Variants in FRMD3 observed in about 807,000 individuals in gnomAD.
FRMD3 encodes the protein FERM domain containing 3, also known as FERM domain-containing protein 3.
Under a neutral mutation model 70.2 loss-of-function variants are expected in FRMD3, and 33 were observed. The ratio of observed to expected loss-of-function variants is 0.47; its 90% confidence interval spans 0.36 to 0.63. The LOEUF (loss-of-function observed/expected upper bound fraction) is 0.63. FRMD3 is among the 20% of genes least tolerant of loss of function. The probability of loss-of-function intolerance (pLI) is 0.00; values close to 1 mark genes in which losing one functional copy is unlikely to be tolerated. For synonymous variants in FRMD3, 279 were observed against 255.9 expected (o/e 1.09, Z -0.86); for missense variants, 632 against 711.4 (o/e 0.89, Z 1.27).
chr9:83,506,206 A>T (rs1175961138), intron 1 of FRMD3, among the ~76,000 whole-genome samples: 4 of 152,246 alleles, frequency 2.6e-5, no homozygotes, highest in South Asian at 2.1e-4. Context: ...ATTTTTTTTT[A>T]AAGTTAAAGC....
At chr9:83,318,458 A>T (rs564025885) in intron 6 of FRMD3, among the ~76,000 whole-genome samples, 5 of 151,748 alleles carry the variant, frequency 3.3e-5, no homozygotes, top group African/African-American at 1.2e-4. Context: ...ATAGTATTCC[A>T]TGCTATATAT....
At chr9:83,479,624 AAAGGAAGGAAGGAAGG>A (rs1175480479) in intron 1 of FRMD3, among the ~76,000 whole-genome samples, 4 of 61,468 alleles carry the variant, frequency 6.5e-5, no homozygotes, top group East Asian at 3.7e-4. Flanking sequence ...GACCCTGAAG[AAAGGAAGGAAGGAAGG>A]AAGGAAGGAA....
intron 13 of FRMD3, among the ~76,000 whole-genome samples, chr9:83,260,027 C>T (rs995532764): frequency 1.3e-5 from 2 of 152,242 alleles, no homozygotes; most frequent in South Asian, 2.1e-4. Flanking sequence ...CAACATTAGG[C>T]ATGCCACTTC....
intron 1 of FRMD3, among the ~76,000 whole-genome samples, chr9:83,464,046 TA>T (rs1482150657): frequency 6.6e-6 from 1 of 152,162 alleles, no homozygotes; most frequent in Non-Finnish European, 1.5e-5. Context: ...TACCCAACTC[TA>T]ACTGTACACA....
chr9:83,360,990 G>A (rs1279187735), intron 3 of FRMD3, among the ~76,000 whole-genome samples: 1 of 152,170 alleles, frequency 6.6e-6, no homozygotes, highest in African/African-American at 2.4e-5. Flanking sequence ...GAACTTGGTA[G>A]AATAACAGAT....
At chr9:83,425,632 G>A (rs556644971) in intron 1 of FRMD3, among the ~76,000 whole-genome samples, 8 of 152,110 alleles carry the variant, frequency 5.3e-5, no homozygotes, top group East Asian at 3.9e-4. Context: ...TGGGCCGGGC[G>A]CAGTGGCTCA....
At chr9:83,516,134 G>A (rs1829449914) in intron 1 of FRMD3, among the ~76,000 whole-genome samples, 1 of 152,098 alleles carries the variant, frequency 6.6e-6, no homozygotes, top group South Asian at 2.1e-4. Flanking sequence ...AACCTTAAAT[G>A]TAAACGAGCT....
chr9:83,530,407 T>C (rs1321489741), intron 1 of FRMD3, among the ~76,000 whole-genome samples: 1 of 152,232 alleles, frequency 6.6e-6, no homozygotes, highest in African/African-American at 2.4e-5. Context: ...TATTTTATGA[T>C]TCCATTTTTA....
chr9:83,467,881 T>G (rs1443369626), intron 1 of FRMD3: 64 of 1,098,408 alleles, frequency 5.8e-5, no homozygotes, highest in Non-Finnish European at 7.3e-5. Flanking sequence ...ATGAGATGCT[T>G]TTAATTGTTC....
intron 1 of FRMD3, among the ~76,000 whole-genome samples, chr9:83,465,510 A>G (rs1038749845): frequency 2.0e-5 from 3 of 152,112 alleles, no homozygotes; most frequent in East Asian, 3.8e-4. Context: ...TTCCACACAA[A>G]TCCTTCTCCA....
intron 1 of FRMD3, among the ~76,000 whole-genome samples, chr9:83,405,817 T>C (rs1826085808): frequency 6.6e-6 from 1 of 151,342 alleles, no homozygotes; most frequent in Non-Finnish European, 1.5e-5. Flanking sequence ...ATGCCTGCAG[T>C]GAGGGTGGGA....
intron 4 of FRMD3, among the ~76,000 whole-genome samples, chr9:83,345,620 G>T (rs1823930161): frequency 6.6e-6 from 1 of 152,018 alleles, no homozygotes; most frequent in Non-Finnish European, 1.5e-5. Context: ...AGTCGGGCGT[G>T]GTGGTGGGTG....
intron 1 of FRMD3, among the ~76,000 whole-genome samples, chr9:83,413,325 G>A (rs1564065450): frequency 1.3e-5 from 2 of 152,112 alleles, no homozygotes; most frequent in East Asian, 3.9e-4. Context: ...ATTTTTCCAA[G>A]TGCCTGAGCA....
the FRMD3 span, among the ~76,000 whole-genome samples, chr9:83,573,211 G>C: frequency 2.5e-4 from 38 of 151,950 alleles, no homozygotes; most frequent in African/African-American, 8.7e-4. Context: ...GGCTCCAAGA[G>C]CACCAAAAAA....
At chr9:83,476,381 CTCAA>C (rs139814001) in intron 1 of FRMD3, among the ~76,000 whole-genome samples, 31,197 of 109,046 alleles carry the variant, frequency 0.29, 3,418 homozygotes, top group East Asian at 0.38. Flanking sequence ...AAGACTCTCT[CTCAA>C]AAAAAAAAAA....
At chr9:83,508,172 T>G (rs1338736228) in intron 1 of FRMD3, among the ~76,000 whole-genome samples, 1 of 152,188 alleles carries the variant, frequency 6.6e-6, no homozygotes, top group East Asian at 1.9e-4. Flanking sequence ...AGGCATATAC[T>G]GCCCAATGCT....
At chr9:83,505,529 G>C (rs1161443633) in intron 1 of FRMD3, among the ~76,000 whole-genome samples, 1 of 152,158 alleles carries the variant, frequency 6.6e-6, no homozygotes, top group Non-Finnish European at 1.5e-5. Flanking sequence ...AGGAAGGGGA[G>C]AGCCACCAAG....
intron 3 of FRMD3, among the ~76,000 whole-genome samples, chr9:83,350,121 G>A (rs1247184994): frequency 6.6e-6 from 1 of 152,050 alleles, no homozygotes; most frequent in African/African-American, 2.4e-5. Flanking sequence ...TTGCACATAA[G>A]CACCATTCAA....
the FRMD3 span, among the ~76,000 whole-genome samples, chr9:83,552,942 T>C: frequency 6.6e-6 from 1 of 152,112 alleles, no homozygotes; most frequent in East Asian, 1.9e-4. Flanking sequence ...TTATTCAGCT[T>C]GTCACTCTAG....
Sources: gnomAD v4.1 joint callset for allele counts (sites outside exome capture counted in the v4.1 genomes callset) on GRCh38, gnomAD v4.1.1 for gene constraint, MANE v1.5 for transcripts, NCBI Gene and HGNC (gene_info 2026-07-23, HGNC 2026-07-21) for gene names.